The following MACROD2 variants were observed in gnomAD, a reference collection of about 807,000 sequenced individuals.
The protein encoded by MACROD2 is mono-ADP ribosylhydrolase 2.
In MACROD2, 36 loss-of-function variants were observed where a neutral mutation model predicts 70.4. The observed-to-expected ratio is 0.51, with a 90% CI of 0.39 to 0.68. The LOEUF (loss-of-function observed/expected upper bound fraction) is 0.68, where lower values mean the gene tolerates loss of function less well. Among genes scored for constraint, MACROD2 ranks in the 30% least tolerant of loss-of-function variants. The pLI, the probability that MACROD2 is intolerant of heterozygous loss-of-function variation, is 0.00. For synonymous variants in MACROD2, 172 were observed against 178.8 expected (o/e 0.96, Z 0.30); for missense variants, 496 against 538.4 (o/e 0.92, Z 0.78).
At chr20:14,088,055 G>T (rs2054101731) in intron 3 of MACROD2, among the ~76,000 whole-genome samples, 1 of 151,916 alleles carries the variant, frequency 6.6e-6, no homozygotes, top group African/African-American at 2.4e-5. Flanking sequence ...GCTCTGCTGG[G>T]CGCATTGGCT....
At chr20:14,336,852 G>A (rs934135794) in intron 3 of MACROD2, among the ~76,000 whole-genome samples, 6 of 152,188 alleles carry the variant, frequency 3.9e-5, no homozygotes, top group Non-Finnish European at 8.8e-5. Context: ...GCTCAGGCAC[G>A]ATAGCAGTGC....
At chr20:15,434,524 T>C (rs1011715783) in intron 7 of MACROD2, among the ~76,000 whole-genome samples, 1 of 152,038 alleles carries the variant, frequency 6.6e-6, no homozygotes, top group Non-Finnish European at 1.5e-5. Context: ...AAACAATAGA[T>C]GTTGTGGTGG....
intron 8 of MACROD2, among the ~76,000 whole-genome samples, chr20:15,644,275 C>T (rs888454089): frequency 6.6e-6 from 1 of 152,122 alleles, no homozygotes; most frequent in Non-Finnish European, 1.5e-5. Context: ...AGCATCTAAA[C>T]CTCCCCCACT....
Position 15,531,607 on chromosome 20 carries a change from G to A in MACROD2, c.645+31760G>A, listed in dbSNP as rs182992437. 2.2e-3 allele frequency among the ~76,000 whole-genome samples: 336 copies of A among 152,132 alleles called. 4 individuals carry two copies. The highest frequency in any genetic ancestry group is 7.6e-3 in the African/African-American group (315 of 41,522). On this transcript the variant is annotated intron_variant, in intron 8 of 17. Coordinates refer to ENST00000684519, the MANE Select transcript of MACROD2 (RefSeq NM_001351661.2). ...ATTATTGATATTGTATTGATACATT[G>A]TTATATTTTTGAAGAATCACAATAA...
At chr20:15,041,653 A>G (rs2075357568) in intron 5 of MACROD2, among the ~76,000 whole-genome samples, 1 of 152,102 alleles carries the variant, frequency 6.6e-6, no homozygotes, top group Non-Finnish European at 1.5e-5. Context: ...TGTGTTGCCC[A>G]GGCTGGTCTC....
intron 4 of MACROD2, among the ~76,000 whole-genome samples, chr20:14,662,037 A>G (rs977357082): frequency 6.6e-6 from 1 of 152,100 alleles, no homozygotes; most frequent in African/African-American, 2.4e-5. Context: ...TAGCAAACTT[A>G]AGTACATTTT....
At chr20:15,330,236 C>G (rs146796159) in intron 6 of MACROD2, among the ~76,000 whole-genome samples, 2 of 151,940 alleles carry the variant, frequency 1.3e-5, no homozygotes, top group Non-Finnish European at 2.9e-5. Context: ...CACCATGAAC[C>G]GAGCAATGGG....
intron 6 of MACROD2, among the ~76,000 whole-genome samples, chr20:15,292,441 C>T (rs909313788): frequency 7.2e-5 from 11 of 152,120 alleles, no homozygotes; most frequent in Non-Finnish European, 1.2e-4. Flanking sequence ...CCCGTATTAG[C>T]TTTTGCAATG....
At chr20:14,011,596 T>C (rs905738020) in intron 2 of MACROD2, among the ~76,000 whole-genome samples, 2 of 151,902 alleles carry the variant, frequency 1.3e-5, no homozygotes, top group Non-Finnish European at 1.5e-5. Flanking sequence ...TGGCCCGATC[T>C]CGGCTCACTG....
chr20:15,950,094 G>A (rs1482250375), intron 12 of MACROD2, among the ~76,000 whole-genome samples: 1 of 152,124 alleles, frequency 6.6e-6, no homozygotes, highest in African/African-American at 2.4e-5. Context: ...AAAAGGTGGT[G>A]TGTCTAGCCA....
At chr20:14,698,762 AAATGTAATTATTTAATTAAAT>A (rs2071156912) in intron 5 of MACROD2, among the ~76,000 whole-genome samples, 1 of 149,746 alleles carries the variant, frequency 6.7e-6, no homozygotes, top group Admixed American at 6.7e-5. Context: ...TTAAATAATT[AAATGTAATTATTTAATTAAAT>A]AATTACATTT....
intron 10 of MACROD2, among the ~76,000 whole-genome samples, chr20:15,890,083 A>G (rs2064869470): frequency 6.6e-6 from 1 of 152,216 alleles, no homozygotes; most frequent in African/African-American, 2.4e-5. Context: ...GAAATGATAC[A>G]ATACTGTTTC....
chr20:14,182,835 G>T (rs1253483916), intron 3 of MACROD2, among the ~76,000 whole-genome samples: 17 of 151,808 alleles, frequency 1.1e-4, no homozygotes, highest in Non-Finnish European at 1.5e-5. Flanking sequence ...TGCCTGGACT[G>T]CTCTTTTCCA....
intron 3 of MACROD2, among the ~76,000 whole-genome samples, chr20:14,309,706 T>C (rs1036319976): frequency 1.3e-5 from 2 of 152,214 alleles, no homozygotes; most frequent in African/African-American, 4.8e-5. Context: ...CTATTTTACC[T>C]AATGATTTCA....
chr20:14,770,004 G>T (rs1270807119), intron 5 of MACROD2, among the ~76,000 whole-genome samples: 1 of 151,788 alleles, frequency 6.6e-6, no homozygotes, highest in Non-Finnish European at 1.5e-5. Flanking sequence ...AATATTTATT[G>T]ACATGAAAAT....
At chr20:15,475,521 G>A (rs1173953769) in intron 7 of MACROD2, among the ~76,000 whole-genome samples, 1 of 152,202 alleles carries the variant, frequency 6.6e-6, no homozygotes, top group African/African-American at 2.4e-5. Context: ...TGCAGCCTAT[G>A]GAGGGTGAAA....
chr20:15,669,210 C>G (rs145556394), intron 8 of MACROD2, among the ~76,000 whole-genome samples: 1 of 152,156 alleles, frequency 6.6e-6, no homozygotes, highest in African/African-American at 2.4e-5. Flanking sequence ...GGTCAAAGTA[C>G]GAATATAATT....
intron 5 of MACROD2, among the ~76,000 whole-genome samples, chr20:14,867,493 C>T (rs2073440680): frequency 6.6e-6 from 1 of 152,024 alleles, no homozygotes; most frequent in South Asian, 2.1e-4. Context: ...AAACATTATT[C>T]CTAGACACAG....
At chr20:14,469,445 T>C (rs1207870027) in intron 3 of MACROD2, among the ~76,000 whole-genome samples, 1 of 152,090 alleles carries the variant, frequency 6.6e-6, no homozygotes, top group Non-Finnish European at 1.5e-5. Context: ...TGTGGTGTTC[T>C]CTCTACTTCC....
Sources: gnomAD v4.1 joint callset for allele counts (sites outside exome capture counted in the v4.1 genomes callset) on GRCh38, gnomAD v4.1.1 for gene constraint, MANE v1.5 for transcripts, NCBI Gene and HGNC (gene_info 2026-07-23, HGNC 2026-07-21) for gene names.